MLIP: variants seen among roughly 807,000 people sequenced by gnomAD.
MLIP encodes muscular LMNA interacting protein.
In MLIP, 79 loss-of-function variants were observed where a neutral mutation model predicts 84.8. The ratio of observed to expected loss-of-function variants is 0.93; its 90% CI spans 0.78 to 1.12. MLIP has a LOEUF of 1.12. Among genes scored for constraint, MLIP ranks in the 50% most tolerant of loss-of-function variants. The probability of loss-of-function intolerance (pLI) is 0.00; values close to 1 mark genes in which losing one functional copy is unlikely to be tolerated. For synonymous variants in MLIP, 504 were observed against 463.0 expected, an observed-to-expected ratio of 1.09 and a Z score of -1.14; for missense variants, 1,257 against 1,160.6, an observed-to-expected ratio of 1.08 and a Z score of -1.21.
At chr6:54,087,521 G>A (rs111817544) in intron 1 of MLIP, among the ~76,000 whole-genome samples, 7 of 152,242 alleles carry the variant, frequency 4.6e-5, no homozygotes, top group African/African-American at 1.7e-4. Context: ...GTGGCAAAGA[G>A]GAATGAATCT....
chr6:54,036,044 G>C (rs568020991), intron 1 of MLIP, among the ~76,000 whole-genome samples: 1 of 151,708 alleles, frequency 6.6e-6, no homozygotes, highest in Non-Finnish European at 1.5e-5. Context: ...ACTCTTCACT[G>C]AGTCCTAGGT....
At chr6:54,026,651 C>T (rs928874371) in intron 1 of MLIP, among the ~76,000 whole-genome samples, 10 of 151,620 alleles carry the variant, frequency 6.6e-5, no homozygotes, top group East Asian at 1.9e-4. Flanking sequence ...AATGAAAAAG[C>T]GAGTGTGTAC....
At chr6:54,183,580 TG>T (rs1467318379) in intron 9 of MLIP, among the ~76,000 whole-genome samples, 1 of 152,028 alleles carries the variant, frequency 6.6e-6, no homozygotes, top group Non-Finnish European at 1.5e-5. Flanking sequence ...TATGCCCACT[TG>T]TTCCGTCTAC....
At chr6:54,158,378 T>G (rs1182921707) in intron 5 of MLIP, among the ~76,000 whole-genome samples, 1 of 152,120 alleles carries the variant, frequency 6.6e-6, no homozygotes, top group Non-Finnish European at 1.5e-5. Flanking sequence ...AACATATATA[T>G]TCAAGCGACG....
intron 1 of MLIP, among the ~76,000 whole-genome samples, chr6:54,024,990 G>A (rs1763714116): frequency 6.9e-6 from 1 of 145,222 alleles, no homozygotes; most frequent in Non-Finnish European, 1.5e-5. Context: ...GGCACATGCT[G>A]CCATGCCCAG....
intron 10 of MLIP, among the ~76,000 whole-genome samples, chr6:54,191,628 T>C (rs2099758573): frequency 6.6e-6 from 1 of 152,182 alleles, no homozygotes; most frequent in Non-Finnish European, 1.5e-5. Flanking sequence ...GTGAGAGCAT[T>C]CTATTGCGTA....
chr6:54,201,223 T>G (rs1023628100), intron 10 of MLIP, among the ~76,000 whole-genome samples: 8 of 152,124 alleles, frequency 5.3e-5, no homozygotes, highest in African/African-American at 1.9e-4. Flanking sequence ...GAATCTCGAG[T>G]GACTGATGTA....
chr6:54,245,466 C>T (rs768573859), intron 12 of MLIP, among the ~76,000 whole-genome samples: 1 of 152,064 alleles, frequency 6.6e-6, no homozygotes, highest in Non-Finnish European at 1.5e-5. Flanking sequence ...GAGAGAGAGT[C>T]GAGTAACTCA....
intron 1 of MLIP, among the ~76,000 whole-genome samples, chr6:54,074,947 G>C (rs986495943): frequency 3.3e-5 from 5 of 151,972 alleles, no homozygotes; most frequent in African/African-American, 1.2e-4. Flanking sequence ...TGCTGCATTT[G>C]CTTGAGAAAA....
chr6:54,175,266 A>G (rs963416446), intron 9 of MLIP, among the ~76,000 whole-genome samples: 1 of 151,646 alleles, frequency 6.6e-6, no homozygotes, highest in African/African-American at 2.4e-5. Context: ...AGGATTGTTT[A>G]TTCTATTTTT....
intron 12 of MLIP, among the ~76,000 whole-genome samples, chr6:54,242,721 C>A (rs1781818887): frequency 6.6e-6 from 1 of 152,012 alleles, no homozygotes; most frequent in African/African-American, 2.4e-5. Flanking sequence ...TGTGAAAAAT[C>A]TTTTATGAGT....
chr6:54,149,779 T>C (rs149081854), intron 5 of MLIP, among the ~76,000 whole-genome samples: 6 of 152,266 alleles, frequency 3.9e-5, no homozygotes, highest in Non-Finnish European at 8.8e-5. Context: ...TAAGGGTCAT[T>C]AATAATAAAA....
intron 1 of MLIP, among the ~76,000 whole-genome samples, chr6:54,020,445 A>C (rs1255208396): frequency 6.6e-6 from 1 of 152,260 alleles, no homozygotes; most frequent in Non-Finnish European, 1.5e-5. Flanking sequence ...CTTAGTGGTC[A>C]TAAAACCTTT....
intron 1 of MLIP, among the ~76,000 whole-genome samples, chr6:54,075,709 C>T (rs553926605): frequency 6.6e-6 from 1 of 152,322 alleles, no homozygotes; most frequent in South Asian, 2.1e-4. Context: ...CAGATATCAG[C>T]TCAGAGATAT....
intron 9 of MLIP, among the ~76,000 whole-genome samples, chr6:54,170,463 G>T (rs1390123947): frequency 6.6e-6 from 1 of 151,600 alleles, no homozygotes; most frequent in Non-Finnish European, 1.5e-5. Context: ...ATTATGTTTA[G>T]AGGATGTGGG....
chr6:54,063,469 G>C (rs987580195), intron 1 of MLIP: 14 of 152,088 alleles, frequency 9.2e-5, no homozygotes, highest in Admixed American at 1.3e-4. Context: ...TGTGATAAAG[G>C]TATTATGAAT....
intron 1 of MLIP, among the ~76,000 whole-genome samples, chr6:54,038,644 T>C (rs1168528766): frequency 6.6e-6 from 1 of 151,862 alleles, no homozygotes; most frequent in African/African-American, 2.4e-5. Context: ...TTACTGATCC[T>C]TGAAGTCCAA....
intron 10 of MLIP, among the ~76,000 whole-genome samples, chr6:54,196,214 G>C (rs1778284120): frequency 6.6e-6 from 1 of 152,048 alleles, no homozygotes; most frequent in Admixed American, 6.6e-5. Flanking sequence ...AAGTTCCAGG[G>C]TACATGTGCA....
At position 54,202,147 on chromosome 6, in the gene MLIP, A is replaced by C. The variant is rs1393408886; in HGVS notation, c.2632A>C (p.Ile878Leu). 3.6e-5 allele frequency: 58 copies of C among 1,604,006 alleles called. No homozygotes were observed. Among genetic ancestry groups the C allele is most frequent in the Non-Finnish European group, 4.8e-5 (56 of 1,174,188 alleles). ...VIRPVPVKSR[I>L]LLKKEEEVYE... is the part of the protein sequence containing the mutation. ...TCGCCCAGTACCTGTAAAATCCAGA[A>C]TATTACTGAAAAAAGAGGAGGAAGT... Residue 878 changes from isoleucine to leucine, a missense_variant, in exon 11 of 14, where the codon ATA becomes CTA. Physicochemically the swap from Ile to Leu is conservative, Grantham distance 5. Transcript: ENST00000502396.
Sources: allele counts gnomAD v4.1 joint callset (sites outside exome capture counted in the v4.1 genomes callset), GRCh38; gene constraint gnomAD v4.1.1; transcripts MANE v1.5; gene names NCBI Gene and HGNC (gene_info 2026-07-23, HGNC 2026-07-21).